Variants in PTK7 observed in about 807,000 individuals in gnomAD.
The protein encoded by PTK7 is inactive tyrosine-protein kinase 7.
PTK7 carries 39 observed loss-of-function variants against 116.6 expected under a neutral mutation model. That is an observed-to-expected ratio of 0.33 (90% CI 0.26 to 0.44). The LOEUF is 0.44. Ranked by LOEUF, PTK7 falls within the 20% of genes least tolerant of loss-of-function variation. The pLI is 1.00. For missense variants in PTK7, 1,169 were observed against 1,425.6 expected, an observed-to-expected ratio of 0.82 and a Z score of 2.90; for synonymous variants, 546 against 563.6, an observed-to-expected ratio of 0.97 and a Z score of 0.44.
chr6:43,103,087 C>G (rs1440461035), intron 1 of PTK7, among the ~76,000 whole-genome samples: 1 of 152,130 alleles, frequency 6.6e-6, no homozygotes, highest in Admixed American at 6.5e-5. Flanking sequence ...TACACAAAAC[C>G]CAGAAGGTTT....
At chr6:43,114,425 T>A (rs370786764) in intron 1 of PTK7, among the ~76,000 whole-genome samples, 1 of 152,078 alleles carries the variant, frequency 6.6e-6, no homozygotes, top group Non-Finnish European at 1.5e-5. Context: ...TTATCTTATC[T>A]CCCTGTCTCC....
intron 1 of PTK7, among the ~76,000 whole-genome samples, chr6:43,112,526 C>T (rs1768253508): frequency 6.6e-6 from 1 of 152,076 alleles, no homozygotes; most frequent in Non-Finnish European, 1.5e-5. Flanking sequence ...CTTTCAGTCT[C>T]CCCTTCTCTG....
At position 43,161,034 on chromosome 6, in the gene PTK7, C is replaced by G. The variant is rs1022680733; in HGVS notation, c.*153C>G. The G allele has an allele frequency of 7.4e-6, 8 of 1,075,276 alleles. No individual in the cohort carries two copies. Among genetic ancestry groups the G allele is most frequent in the Non-Finnish European group, 1.0e-5 (8 of 773,570 alleles). 66.6% of individuals were successfully genotyped at this position (1,075,276 alleles called of 1,614,324 possible). ...GAGGTCTGAGCAGGGCCTGGCCTTT[C>G]CTCCTCTTCCTCACCCTCATCCTTT... is the stretch of plus-strand genomic sequence containing the variant. On this transcript the variant is annotated 3_prime_UTR_variant, in exon 20 of 20. Transcript: ENST00000230419.
At chr6:43,113,894 TG>T (rs747184156) in intron 1 of PTK7, among the ~76,000 whole-genome samples, 16 of 152,322 alleles carry the variant, frequency 1.1e-4, no homozygotes, top group Middle Eastern at 6.8e-3. Flanking sequence ...GGTCTGAATC[TG>T]GTGTATATAT....
chr6:43,139,670 G>A lies in PTK7; in HGVS notation c.1618+145G>A. Reference sequence around the variant, plus strand: ...CAGGGCTGATGTATAGTTTAGTTAGGAAGGAAAAAGCCAGACACAGAAGAG... The same window carrying A: ...CAGGGCTGATGTATAGTTTAGTTAGAAAGGAAAAAGCCAGACACAGAAGAG... On this transcript the variant is annotated intron_variant, in intron 10 of 19. Transcript: ENST00000230419. This position sits in a 1 kb window ranked among gnomAD's most constrained non-coding sequence, Gnocchi z 4.6. 1 of 1,331,880 alleles carries A rather than the reference G, an allele frequency of 7.5e-7. No homozygotes were observed. The highest frequency in any genetic ancestry group is 1.0e-6 in the Non-Finnish European group (1 of 991,528). The allele number at this position is 1,331,880 out of a possible 1,614,324, so 82.5% of individuals were successfully genotyped here. A position where few individuals can be genotyped will look rare whatever the true frequency, so the allele number is the denominator to read the frequency against.
rs1406543737 is a variant in PTK7, at chr6:43,134,146, C to G, written c.1228+1459C>G. On this transcript the variant is annotated intron_variant, in intron 7 of 19. Transcript: ENST00000230419. ...CTGCGCCTCCCAGGTTCAAGTGATT[C>G]TCGTGCCTCAGCCTCCCAAGTAGCT... Among the ~76,000 whole-genome samples the G allele has an allele frequency of 4.6e-5, 7 of 152,290 alleles. No individual in the cohort carries two copies. In the East Asian group the frequency reaches 1.4e-3, roughly 29 times the overall value.
At chr6:43,097,775 T>G (rs1344331075) in intron 1 of PTK7, among the ~76,000 whole-genome samples, 1 of 152,224 alleles carries the variant, frequency 6.6e-6, no homozygotes, top group Non-Finnish European at 1.5e-5. Flanking sequence ...CTGGAAATCT[T>G]ATCCCTGATC....
chr6:43,130,472 C>T (rs201791086), intron 4 of PTK7, 39 bp from the exon 5 acceptor site: 223 of 1,609,962 alleles, frequency 1.4e-4, no homozygotes, highest in Non-Finnish European at 1.8e-4. Context: ...GAGGGCCTCA[C>T]CACCCAGGCT....
intron 7 of PTK7, among the ~76,000 whole-genome samples, chr6:43,133,961 T>C (rs1419139413): frequency 6.6e-6 from 1 of 152,252 alleles, no homozygotes; most frequent in Admixed American, 6.5e-5. Context: ...ACACTCACAG[T>C]GCAGGTGCAA....
intron 1 of PTK7, among the ~76,000 whole-genome samples, chr6:43,092,914 C>T (rs1767034353): frequency 6.6e-6 from 1 of 152,178 alleles, no homozygotes. Flanking sequence ...CTGTAATTTA[C>T]AGGCCTAGTT....
chr6:43,150,892 C>T (rs1301337476), intron 17 of PTK7, among the ~76,000 whole-genome samples: 1 of 148,140 alleles, frequency 6.8e-6, no homozygotes, highest in Non-Finnish European at 1.5e-5. Context: ...ACTGCAGCCT[C>T]CGCCTCCCAA....
At chr6:43,091,154 CTT>C (rs35002545) in intron 1 of PTK7, among the ~76,000 whole-genome samples, 22 of 133,032 alleles carry the variant, frequency 1.7e-4, no homozygotes, top group Admixed American at 2.3e-4. Flanking sequence ...TCGGTTTCCT[CTT>C]TTTTTTTTTT....
rs1456666652 is a variant in PTK7, at chr6:43,143,928, G to A, written c.2251+308G>A. Among the ~76,000 whole-genome samples the A allele has an allele frequency of 6.6e-6, 1 of 152,226 alleles. No individual in the cohort carries two copies. Among genetic ancestry groups the A allele is most frequent in the Non-Finnish European group, 1.5e-5 (1 of 68,040 alleles). On this transcript the variant is annotated intron_variant, in intron 14 of 19. Transcript: ENST00000230419. This position sits in a 1 kb window ranked among gnomAD's most constrained non-coding sequence, Gnocchi z 4.2. ...ATATGTACACACGTTGCTGTTGCATGTCTTGTCTCCCTCTATGAGTCTAAG... is the reference window on the plus strand; with the variant it reads ...ATATGTACACACGTTGCTGTTGCATATCTTGTCTCCCTCTATGAGTCTAAG...
In PTK7 at chr6:43,141,300, A is replaced by G. The variant is rs769468482; in HGVS notation, c.1619-368A>G. On this transcript the variant is annotated intron_variant, in intron 10 of 19. Transcript: ENST00000230419. The surrounding 1 kb of genome is among the most constrained non-coding windows in gnomAD (Gnocchi z 4.9). ...GGCTCCCTCTGCTCAGGTCTGGGGG[A>G]ACTTTCTGGGAGAGGTGAGGCTTAA... Among the ~76,000 whole-genome samples the G allele has an allele frequency of 2.6e-5, 4 of 151,902 alleles. No individual in the cohort carries two copies. Among genetic ancestry groups the G allele is most frequent in the African/African-American group, 4.8e-5 (2 of 41,326 alleles).
Position 43,129,070 on chromosome 6 carries a change from C to T in PTK7, c.173C>T (p.Pro58Leu), listed in dbSNP as rs371132014. The change falls in exon 2 of 20, where the codon CCG (proline) becomes CTG (leucine). Residue 58 changes from proline to leucine, a missense_variant. Pro to Leu is a moderately conservative substitution (Grantham distance 98). Around this residue, in one of 3 missense-constraint regions of PTK7, gnomAD observed 487 missense variants for 549.8 expected, o/e 0.89. Transcript: ENST00000230419. The surrounding 1 kb of genome is among the most constrained non-coding windows in gnomAD (Gnocchi z 4.5). Reference sequence around the variant, plus strand: ...CTGCTTCGCTGTGAGGTTGAGGCTCCGGGCCCGGTACATGTGTACTGGCTG... The same window carrying T: ...CTGCTTCGCTGTGAGGTTGAGGCTCTGGGCCCGGTACATGTGTACTGGCTG... Reference protein sequence around the residue: ...RALLRCEVEAPGPVHVYWLLD... With the variant: ...RALLRCEVEALGPVHVYWLLD... 41 of 1,614,106 alleles carry T rather than the reference C, an allele frequency of 2.5e-5. No individual in the cohort carries two copies. The highest frequency in any genetic ancestry group is 1.7e-4 in the Admixed American group (10 of 60,012).
At chr6:43,142,532 G>A (rs377110915) in intron 13 of PTK7, 6 of 673,956 alleles carry the variant, frequency 8.9e-6, no homozygotes, top group African/African-American at 3.6e-5. Flanking sequence ...GTGGGGGAGT[G>A]GGGGGGTGTT....
At chr6:43,091,364 A>C (rs1424165443) in intron 1 of PTK7, among the ~76,000 whole-genome samples, 1 of 151,880 alleles carries the variant, frequency 6.6e-6, no homozygotes, top group African/African-American at 2.4e-5. Flanking sequence ...ATGGGGTTTC[A>C]CCATGTTGGC....
In PTK7 at chr6:43,132,628, C is replaced by T; in HGVS notation, c.1169C>T (p.Thr390Ile). Residue 390 changes from threonine (T) to isoleucine (I), a missense_variant, in exon 7 of 20, where the codon ACC becomes ATC. Physicochemically the swap from Thr to Ile is moderately conservative, Grantham distance 89. This residue lies in a region of PTK7 where 487 missense variants were observed against 549.8 expected (regional missense o/e 0.89). Coordinates refer to ENST00000230419, the MANE Select transcript of PTK7 (RefSeq NM_002821.5). ...GCTGAAAGTGATGCTGGTGTCTACA[C>T]CTGCCACGCGGCCAACCTGGCTGGT... is the stretch of plus-strand genomic sequence containing the variant. The part of the protein sequence containing the change: ...NIAESDAGVY[T>I]CHAANLAGQR... 6.3e-7 allele frequency: 1 copy of T among 1,596,600 alleles called. No individual in the cohort carries two copies. The highest frequency in any genetic ancestry group is 8.5e-7 in the Non-Finnish European group (1 of 1,171,858).
At chr6:43,158,192 G>T (rs944370652) in intron 17 of PTK7, among the ~76,000 whole-genome samples, 2 of 151,880 alleles carry the variant, frequency 1.3e-5, no homozygotes, top group South Asian at 4.2e-4. Context: ...CCAGCTACTC[G>T]GGAGGCTGAG....
Sources: allele counts gnomAD v4.1 joint callset (sites outside exome capture counted in the v4.1 genomes callset), GRCh38; gene constraint gnomAD v4.1.1; regional missense constraint gnomAD v4.1.1; non-coding constraint Gnocchi (gnomAD v3.1); transcripts MANE v1.5; gene names NCBI Gene and HGNC (gene_info 2026-07-23, HGNC 2026-07-21).